The following CEP120 variants were observed in gnomAD, a reference collection of about 807,000 sequenced individuals.
CEP120 encodes centrosomal protein of 120 kDa.
In CEP120, 113 loss-of-function variants were observed where a neutral mutation model predicts 126.5. That is an observed-to-expected ratio of 0.89 (90% CI 0.77 to 1.04). The LOEUF is 1.04. Ranked by LOEUF, CEP120 falls within the 50% of genes least tolerant of loss-of-function variation. CEP120 has a pLI of 0.00. For missense variants in CEP120, 1,230 were observed against 1,155.7 expected, an observed-to-expected ratio of 1.06 and a Z score of -0.93; for synonymous variants, 400 against 394.3, an observed-to-expected ratio of 1.01 and a Z score of -0.17.
chr5:123,396,838 G>T (rs1267347553), intron 5 of CEP120, among the ~76,000 whole-genome samples: 4 of 152,184 alleles, frequency 2.6e-5, no homozygotes, highest in African/African-American at 7.2e-5. Flanking sequence ...TTAACTAGCT[G>T]TAAGATCTTC....
intron 18 of CEP120, among the ~76,000 whole-genome samples, chr5:123,353,328 AT>A (rs796359619): frequency 2.0e-5 from 3 of 151,502 alleles, no homozygotes; most frequent in African/African-American, 7.3e-5. Flanking sequence ...TATTGATATG[AT>A]TTTTTTCTCC....
chr5:123,390,108 A>C lies in CEP120; in HGVS notation c.1071T>G (p.His357Gln), dbSNP rs749944654. Reference protein sequence around the residue: ...SLIELKTQNEHEPEHSKKKVL... With the variant: ...SLIELKTQNEQEPEHSKKKVL... ...CTTTCTTCTTTGAATGCTCTGGCTC[A>C]TGTTCATTCTGGGTCTTTAATTCAA... The change falls in exon 8 of 20, where the codon CAT becomes CAG. Residue 357 changes from histidine to glutamine, a missense_variant. Transcript: ENST00000306467. The C allele has an allele frequency of 1.5e-5, 24 of 1,613,602 alleles. No homozygotes were observed. Among genetic ancestry groups the C allele is most frequent in the Non-Finnish European group, 1.9e-5 (23 of 1,179,788 alleles).
chr5:123,384,110 C>T (rs978009611), intron 11 of CEP120, among the ~76,000 whole-genome samples: 4 of 151,966 alleles, frequency 2.6e-5, no homozygotes, highest in African/African-American at 4.8e-5. Flanking sequence ...TCATAACAAA[C>T]GGGCAGCATT....
chr5:123,389,979 T>G lies in CEP120; in HGVS notation c.1200A>C (p.Thr400=), dbSNP rs1370337817. ...NQSPPTKDDA[T]ESEVESLQYD... The stretch of plus-strand genomic sequence containing the variant: ...ACTGTAAACTTTCCACTTCACTTTC[T>G]GTTGCATCATCTTTTGTTGGAGGTG... The change falls in exon 8 of 20, where the codon ACA becomes ACC. Residue 400 remains threonine (T), a synonymous_variant. Coordinates refer to ENST00000306467, the MANE Select transcript of CEP120 (RefSeq NM_001375405.1). 1 of 1,614,214 alleles carries G rather than the reference T, an allele frequency of 6.2e-7. No homozygotes were observed. The highest frequency in any genetic ancestry group is 8.5e-7 in the Non-Finnish European group (1 of 1,180,026).
At position 123,423,159 on chromosome 5, in the gene CEP120, G is replaced by A. The variant is rs1037635009; in HGVS notation, c.-161C>T. ...CCAGGTCCCACCGCCGTCTGCTGCA[G>A]CGCGCCCGGCTCCTCTGCCTCGGGC... is the stretch of plus-strand genomic sequence containing the variant. On this transcript the variant is annotated 5_prime_UTR_variant, in exon 1 of 20. Transcript: ENST00000306467. The A allele has an allele frequency of 7.9e-6, 5 of 631,796 alleles. No homozygotes were observed. In the Admixed American group the frequency reaches 1.1e-4, roughly 13 times the overall value. 39.1% of individuals were successfully genotyped at this position (631,796 alleles called of 1,614,324 possible).
intron 17 of CEP120, among the ~76,000 whole-genome samples, chr5:123,365,487 T>A (rs948257364): frequency 6.6e-6 from 1 of 151,670 alleles, no homozygotes; most frequent in Non-Finnish European, 1.5e-5. Flanking sequence ...GTTTTTCCCA[T>A]AAATATATGA....
chr5:123,386,565 T>A lies in CEP120; in HGVS notation c.1533A>T (p.Ala511=), dbSNP rs773936117. 6.3e-7 allele frequency: 1 copy of A among 1,589,210 alleles called. No homozygotes were observed. The highest frequency in any genetic ancestry group is 2.3e-5 in the East Asian group (1 of 43,604). ...MEVFLPQSYC[A]FDFATMPHQL... ...GATGAGGCATAGTTGCAAAATCAAATGCACAGTAAGACTGGGGAAGAAAAA... is the reference window on the plus strand; with the variant it reads ...GATGAGGCATAGTTGCAAAATCAAAAGCACAGTAAGACTGGGGAAGAAAAA... The change falls in exon 10 of 20, where the codon GCA becomes GCT. Residue 511 remains alanine (A), a synonymous_variant. Coordinates refer to ENST00000306467, the MANE Select transcript of CEP120 (RefSeq NM_001375405.1).
At chr5:123,408,162 T>C (rs920902377) in intron 4 of CEP120, among the ~76,000 whole-genome samples, 1 of 152,200 alleles carries the variant, frequency 6.6e-6, no homozygotes, top group Non-Finnish European at 1.5e-5. Context: ...TAAATGCATA[T>C]GTCTGTTAGA....
At chr5:123,418,098 C>T (rs565904963) in intron 2 of CEP120, among the ~76,000 whole-genome samples, 2 of 152,284 alleles carry the variant, frequency 1.3e-5, no homozygotes, top group Non-Finnish European at 2.9e-5. Flanking sequence ...ATTCCACACA[C>T]AAGCATTTAA....
intron 17 of CEP120, among the ~76,000 whole-genome samples, chr5:123,367,804 A>G (rs771748829): frequency 6.6e-6 from 1 of 151,964 alleles, no homozygotes; most frequent in African/African-American, 2.4e-5. Flanking sequence ...ATTACACTGA[A>G]AAGAATACGT....
intron 18 of CEP120, among the ~76,000 whole-genome samples, chr5:123,354,666 C>T (rs925210181): frequency 2.6e-5 from 4 of 152,070 alleles, no homozygotes; most frequent in Non-Finnish European, 4.4e-5. Flanking sequence ...AAATGCCTCT[C>T]GCCCTATAAG....
chr5:123,370,343 A>G (rs948837336), intron 17 of CEP120, among the ~76,000 whole-genome samples: 13 of 152,010 alleles, frequency 8.6e-5, no homozygotes, highest in African/African-American at 2.9e-4. Flanking sequence ...AAGCTATTCC[A>G]TAGTCTTTCT....
At position 123,345,588 on chromosome 5, in the gene CEP120, T is replaced by TA. The variant is rs1425456283; in HGVS notation, c.*930dup. 1 of 152,134 alleles carries TA rather than the reference T, an allele frequency of 6.6e-6. No individual in the cohort carries two copies. Among genetic ancestry groups the TA allele is most frequent in the African/African-American group, 2.4e-5 (1 of 41,442 alleles). The allele number at this position is 152,134 out of a possible 1,614,324, so 9.4% of individuals were successfully genotyped here. A position where few individuals can be genotyped will look rare whatever the true frequency, so the allele number is the denominator to read the frequency against. Reference sequence around the variant, plus strand: ...GAAGAATATGATATAAAGGAACTCTTAAGAGTTTTTATACAGACAGGGCAC... The same window carrying TA: ...GAAGAATATGATATAAAGGAACTCTTAAAGAGTTTTTATACAGACAGGGCAC... On this transcript the variant is annotated 3_prime_UTR_variant, in exon 20 of 20. Transcript: ENST00000306467.
At chr5:123,412,830 C>T (rs530958485) in intron 3 of CEP120, among the ~76,000 whole-genome samples, 7 of 152,248 alleles carry the variant, frequency 4.6e-5, no homozygotes, top group African/African-American at 7.2e-5. Flanking sequence ...TTCTACCTTT[C>T]GTCTTATACC....
At chr5:123,367,396 G>C (rs1405948499) in intron 17 of CEP120, among the ~76,000 whole-genome samples, 1 of 151,532 alleles carries the variant, frequency 6.6e-6, no homozygotes, top group East Asian at 1.9e-4. Context: ...CCCAATTATT[G>C]AAGCTATATT....
At chr5:123,406,563 G>A (rs1222284674) in intron 4 of CEP120, among the ~76,000 whole-genome samples, 2 of 145,030 alleles carry the variant, frequency 1.4e-5, no homozygotes, top group Non-Finnish European at 3.0e-5. Context: ...AAGAAGGGTA[G>A]AGTGAAGTAT....
At position 123,385,043 on chromosome 5, in the gene CEP120, C is replaced by G. The variant is rs75289011; in HGVS notation, c.1671G>C (p.Leu557Phe). The change falls in exon 11 of 20, where the codon TTG becomes TTC. Residue 557 changes from leucine (L) to phenylalanine (F), a missense_variant. By Grantham distance (22) the Leu-to-Phe change is conservative. Coordinates refer to ENST00000306467, the MANE Select transcript of CEP120 (RefSeq NM_001375405.1). ...GIARIQLSNI[L>F]SSEKTRFLGS... ...CTAAAAAACGAGTTTTTTCTGAAGA[C>G]AAGATGTTAGAAAGCTGGATTCTCG... The G allele has an allele frequency of 1.9e-6, 3 of 1,613,670 alleles. No homozygotes were observed. Among genetic ancestry groups the G allele is most frequent in the Non-Finnish European group, 2.5e-6 (3 of 1,179,736 alleles).
Position 123,350,071 on chromosome 5 carries a change from T to C in CEP120, c.2599A>G (p.Met867Val), listed in dbSNP as rs754709593. The C allele has an allele frequency of 6.2e-7, 1 of 1,612,154 alleles. No individual in the cohort carries two copies. The highest frequency in any genetic ancestry group is 1.1e-5 in the South Asian group (1 of 90,520). The change falls in exon 19 of 20, where the codon ATG (methionine) becomes GTG (valine). Residue 867 changes from methionine to valine, a missense_variant. Physicochemically the swap from Met to Val is conservative, Grantham distance 21. Transcript: ENST00000306467. ...RLKQREQESQ[M>V]ARLKKQQEEL... is the part of the protein sequence containing the mutation. ...TCCTGCTGTTTTTTAAGACGAGCCA[T>C]TTGACTTTCTTGCTCCCTCTTGAAA...
intron 18 of CEP120, among the ~76,000 whole-genome samples, chr5:123,362,281 C>T (rs576980285): frequency 6.6e-6 from 1 of 151,758 alleles, no homozygotes; most frequent in African/African-American, 2.4e-5. Flanking sequence ...TCACGATGAC[C>T]CCTACCTCAG....
Sources: allele counts gnomAD v4.1 joint callset (sites outside exome capture counted in the v4.1 genomes callset), GRCh38; gene constraint gnomAD v4.1.1; transcripts MANE v1.5; gene names NCBI Gene and HGNC (gene_info 2026-07-23, HGNC 2026-07-21).